The following STPG2 variants were observed in gnomAD, a reference collection of about 807,000 sequenced individuals.
STPG2 encodes sperm tail PG-rich repeat containing 2.
STPG2 carries 56 observed loss-of-function variants against 54.2 expected under a neutral mutation model. That is an observed-to-expected ratio of 1.03 (90% CI 0.83 to 1.29). STPG2 has a LOEUF of 1.29. Ranked by LOEUF, STPG2 falls within the 50% of genes most tolerant of loss-of-function variation. The pLI, the probability that STPG2 is intolerant of heterozygous loss-of-function variation, is 0.00. For missense variants in STPG2, 596 were observed against 544.9 expected, an observed-to-expected ratio of 1.09 and a Z score of -0.93; for synonymous variants, 200 against 181.8, an observed-to-expected ratio of 1.10 and a Z score of -0.81.
chr4:97,568,772 AAAC>A (rs1386583021), intron 10 of STPG2, among the ~76,000 whole-genome samples: 3 of 152,170 alleles, frequency 2.0e-5, no homozygotes, highest in Admixed American at 1.3e-4. Flanking sequence ...AATAACAAAC[AAAC>A]AACAACAACA....
chr4:98,090,315 C>T (rs1277616977), intron 5 of STPG2, among the ~76,000 whole-genome samples: 1 of 151,986 alleles, frequency 6.6e-6, no homozygotes, highest in Non-Finnish European at 1.5e-5. Context: ...CTGTCCTTTC[C>T]CAATTTATGT....
At chr4:98,022,958 T>A (rs1736274911) in intron 5 of STPG2, among the ~76,000 whole-genome samples, 1 of 152,210 alleles carries the variant, frequency 6.6e-6, no homozygotes, top group Non-Finnish European at 1.5e-5. Context: ...TGCCATTGGT[T>A]TGAATTTCCT....
chr4:97,564,928 C>T (rs192469764), intron 10 of STPG2, among the ~76,000 whole-genome samples: 17 of 152,204 alleles, frequency 1.1e-4, no homozygotes, highest in Admixed American at 5.2e-4. Flanking sequence ...TTGCTCTTCT[C>T]GAGGAGTATC....
intron 5 of STPG2, among the ~76,000 whole-genome samples, chr4:97,985,925 C>T (rs1390863443): frequency 3.3e-5 from 5 of 151,248 alleles, no homozygotes; most frequent in Non-Finnish European, 7.4e-5. Flanking sequence ...CAGGCACATG[C>T]GCAAGCGCAC....
chr4:97,826,810 G>A (rs927306092), intron 9 of STPG2, among the ~76,000 whole-genome samples: 1 of 152,222 alleles, frequency 6.6e-6, no homozygotes, highest in African/African-American at 2.4e-5. Flanking sequence ...ATAAGACACA[G>A]TGTATATTAT....
At chr4:97,767,324 T>A (rs1037763044) in intron 9 of STPG2, among the ~76,000 whole-genome samples, 3 of 152,152 alleles carry the variant, frequency 2.0e-5, no homozygotes, top group Non-Finnish European at 4.4e-5. Flanking sequence ...CAGGGAAGAT[T>A]TGATTTCATT....
chr4:97,530,592 G>C (rs973704742), intron 4 of STPG2, among the ~76,000 whole-genome samples: 9 of 151,964 alleles, frequency 5.9e-5, no homozygotes, highest in African/African-American at 2.2e-4. Context: ...AAAAATCAAA[G>C]GCATGACAAA....
intron 5 of STPG2, among the ~76,000 whole-genome samples, chr4:98,048,294 T>C (rs577832925): frequency 2.0e-5 from 3 of 152,322 alleles, no homozygotes; most frequent in African/African-American, 4.8e-5. Flanking sequence ...CTCCAGGTTT[T>C]CAAGAATAAT....
chr4:97,851,058 A>G (rs899722536), intron 8 of STPG2, among the ~76,000 whole-genome samples: 1 of 152,144 alleles, frequency 6.6e-6, no homozygotes, highest in Non-Finnish European at 1.5e-5. Flanking sequence ...TGGGTCTCAA[A>G]TCTTCCCTGA....
Position 98,013,555 on chromosome 4 carries a change from G to C in STPG2, c.613-32237C>G, listed in dbSNP as rs184340847. On this transcript the variant is annotated intron_variant, in intron 5 of 10. Coordinates refer to ENST00000295268, the MANE Select transcript of STPG2 (RefSeq NM_174952.3). ...CCTCTTTGTACCTCTGGTAGAATTC[G>C]GCTGTGAATCCATCTGGTCCTGGGC... 1.4e-5 allele frequency among the ~76,000 whole-genome samples: 2 copies of C among 146,846 alleles called. 1 individual carries two copies. The highest frequency in any genetic ancestry group is 4.0e-4 in the East Asian group (2 of 5,010).
intron 5 of STPG2, among the ~76,000 whole-genome samples, chr4:98,052,153 C>G (rs1340081171): frequency 6.6e-6 from 1 of 151,306 alleles, no homozygotes; most frequent in Non-Finnish European, 1.5e-5. Context: ...CCAAAAATTT[C>G]TCAAGTGGGG....
At chr4:97,599,385 C>T (rs1043862375) in intron 10 of STPG2, among the ~76,000 whole-genome samples, 4 of 152,204 alleles carry the variant, frequency 2.6e-5, no homozygotes, top group Non-Finnish European at 5.9e-5. Context: ...ACTCAGCAAT[C>T]CCATTATTGG....
At chr4:97,626,671 T>C (rs1270982665) in intron 10 of STPG2, among the ~76,000 whole-genome samples, 1 of 152,126 alleles carries the variant, frequency 6.6e-6, no homozygotes, top group African/African-American at 2.4e-5. Flanking sequence ...TCCTCCTCCT[T>C]CTCTTCCTCC....
intron 4 of STPG2, among the ~76,000 whole-genome samples, chr4:97,484,073 G>A (rs1034505735): frequency 6.7e-6 from 1 of 149,292 alleles, no homozygotes; most frequent in Non-Finnish European, 1.5e-5. Context: ...TACAGCAAAG[G>A]TGGTGCTAGG....
chr4:97,853,223 C>T (rs1394618518), intron 8 of STPG2, among the ~76,000 whole-genome samples: 1 of 151,932 alleles, frequency 6.6e-6, no homozygotes, highest in Non-Finnish European at 1.5e-5. Flanking sequence ...ACCTTGGCCT[C>T]CCAAAGTGCT....
At chr4:98,110,412 G>A (rs564001635) in intron 3 of STPG2, among the ~76,000 whole-genome samples, 11 of 152,190 alleles carry the variant, frequency 7.2e-5, no homozygotes, top group Admixed American at 2.0e-4. Flanking sequence ...CCCTCTAGGC[G>A]CATTCAACTG....
At chr4:98,040,677 G>T (rs1736925259) in intron 5 of STPG2, among the ~76,000 whole-genome samples, 2 of 151,728 alleles carry the variant, frequency 1.3e-5, no homozygotes, top group Admixed American at 6.6e-5. Context: ...TGATCTATGT[G>T]TCTATTTTTA....
chr4:97,724,418 T>C (rs1466826168), intron 9 of STPG2, among the ~76,000 whole-genome samples: 1 of 152,170 alleles, frequency 6.6e-6, no homozygotes, highest in East Asian at 1.9e-4. Context: ...CTATTATTAG[T>C]TTAAAAATTC....
intron 5 of STPG2, among the ~76,000 whole-genome samples, chr4:98,054,904 C>T (rs926041837): frequency 2.0e-5 from 3 of 152,246 alleles, no homozygotes; most frequent in African/African-American, 7.2e-5. Context: ...ACAGCTAGGA[C>T]AAAACTAATG....
Sources: gnomAD v4.1 joint callset for allele counts (sites outside exome capture counted in the v4.1 genomes callset) on GRCh38, gnomAD v4.1.1 for gene constraint, MANE v1.5 for transcripts, NCBI Gene and HGNC (gene_info 2026-07-23, HGNC 2026-07-21) for gene names.